Variants in ADGRV1 observed in about 807,000 individuals in gnomAD.
The protein encoded by ADGRV1 is adhesion G protein-coupled receptor V1, also known as G-protein coupled receptor 98.
In ADGRV1, 359 loss-of-function variants were observed where a neutral mutation model predicts 596.2. That is an observed-to-expected ratio of 0.60 (90% CI 0.55 to 0.66). ADGRV1 has a LOEUF of 0.66. Ranked by LOEUF, ADGRV1 falls within the 30% of genes least tolerant of loss-of-function variation. ADGRV1 has a pLI of 0.00. For synonymous variants in ADGRV1, 2,681 were observed against 2,679.2 expected, an observed-to-expected ratio of 1.00 and a Z score of -0.02; for missense variants, 7,274 against 7,575.6, an observed-to-expected ratio of 0.96 and a Z score of 1.48.
At chr5:90,825,757 G>C (rs1326940298) in intron 76 of ADGRV1, 1 of 152,170 alleles carries the variant, frequency 6.6e-6, no homozygotes. Flanking sequence ...TAAGGGGTAA[G>C]AAAATGTTGT....
At chr5:90,881,059 T>G (rs948657592) in intron 83 of ADGRV1, among the ~76,000 whole-genome samples, 1 of 152,188 alleles carries the variant, frequency 6.6e-6, no homozygotes, top group South Asian at 2.1e-4. Flanking sequence ...ACCTGGATAA[T>G]GTTTTGGAGT....
intron 82 of ADGRV1, among the ~76,000 whole-genome samples, chr5:90,860,710 T>C (rs560946117): frequency 8.8e-5 from 13 of 148,546 alleles, no homozygotes; most frequent in Admixed American, 7.3e-4. Flanking sequence ...TCTAATACAT[T>C]AGGTGGTATA....
At chr5:90,615,352 T>G (rs1043928943) in intron 2 of ADGRV1, among the ~76,000 whole-genome samples, 2 of 151,892 alleles carry the variant, frequency 1.3e-5, no homozygotes, top group Non-Finnish European at 2.9e-5. Context: ...TAAGGTGGTG[T>G]AGAGAAAACG....
At chr5:90,918,659 A>G (rs1773598980) in intron 83 of ADGRV1, among the ~76,000 whole-genome samples, 1 of 152,152 alleles carries the variant, frequency 6.6e-6, no homozygotes, top group Non-Finnish European at 1.5e-5. Flanking sequence ...CAGGGTTGTT[A>G]TGGAGATTAA....
chr5:90,788,980 T>C (rs1434714962), intron 68 of ADGRV1, among the ~76,000 whole-genome samples: 1 of 151,918 alleles, frequency 6.6e-6, no homozygotes, highest in East Asian at 1.9e-4. Context: ...CCAAAATCCA[T>C]GAAATAGGCT....
At chr5:90,789,976 A>G (rs1450036932) in intron 69 of ADGRV1, 125 bp downstream of exon 69, 5 of 559,428 alleles carry the variant, frequency 8.9e-6, no homozygotes, top group Non-Finnish European at 1.4e-5. Flanking sequence ...GTGAGTTTTC[A>G]GAGAAACAGA....
At chr5:91,143,713 C>T (rs1051077087) in intron 87 of ADGRV1, among the ~76,000 whole-genome samples, 1 of 152,118 alleles carries the variant, frequency 6.6e-6, no homozygotes, top group African/African-American at 2.4e-5. Context: ...ACAGCCTGGC[C>T]CCCAGGCTTC....
At chr5:91,101,889 A>G (rs924122008) in intron 86 of ADGRV1, among the ~76,000 whole-genome samples, 1 of 152,158 alleles carries the variant, frequency 6.6e-6, no homozygotes, top group Non-Finnish European at 1.5e-5. Context: ...ACTGCCTGCC[A>G]TTTTCTGGTG....
chr5:90,789,646 AT>A, intron 68 of ADGRV1, 55 bp from the exon 69 acceptor site: 1 of 1,088,654 alleles, frequency 9.2e-7, no homozygotes, highest in Non-Finnish European at 1.3e-6. Flanking sequence ...GTTGGATACT[AT>A]AATTTCATCC....
chr5:90,716,843 G>T (rs1750174596), intron 43 of ADGRV1, 114 bp downstream of exon 43: 8 of 727,820 alleles, frequency 1.1e-5, no homozygotes, highest in Non-Finnish European at 1.8e-5. Context: ...TCCAGCTTAG[G>T]TGTTAGACAA....
At chr5:91,065,476 G>A (rs1396993868) in intron 85 of ADGRV1, among the ~76,000 whole-genome samples, 1 of 152,188 alleles carries the variant, frequency 6.6e-6, no homozygotes, top group Non-Finnish European at 1.5e-5. Context: ...GGGTCAACTT[G>A]TTCTTTAAAA....
At chr5:91,131,034 G>C (rs1449600357) in intron 87 of ADGRV1, among the ~76,000 whole-genome samples, 1 of 152,228 alleles carries the variant, frequency 6.6e-6, no homozygotes, top group Non-Finnish European at 1.5e-5. Context: ...GGGAACCTGT[G>C]TTGATTCCAT....
intron 77 of ADGRV1, among the ~76,000 whole-genome samples, chr5:90,832,074 CT>C (rs1764574061): frequency 6.6e-6 from 1 of 152,084 alleles, no homozygotes; most frequent in Non-Finnish European, 1.5e-5. Flanking sequence ...ACTTTCTTTT[CT>C]TTTGGGTATA....
At chr5:90,689,312 C>A (rs934868575) in intron 29 of ADGRV1, among the ~76,000 whole-genome samples, 5 of 149,984 alleles carry the variant, frequency 3.3e-5, no homozygotes, top group African/African-American at 9.8e-5. Flanking sequence ...ACATGAAGCA[C>A]CCCTCCTTTC....
In ADGRV1 at chr5:90,791,036, C is replaced by G. The variant is rs201478715; in HGVS notation, c.14207C>G (p.Ser4736Cys). ...GAAGATTATGTGATCCAGCTTGTTT[C>G]TGTAGAGGGAGGAGCCGAACTGGAT... ...IEEDYVIQLV[S>C]VEGGAELDLE... Residue 4736 changes from serine (S) to cysteine (C), a missense_variant, in exon 70 of 90, where the codon TCT becomes TGT. Coordinates refer to ENST00000405460, the MANE Select transcript of ADGRV1 (RefSeq NM_032119.4). 4.3e-5 allele frequency: 69 copies of G among 1,613,866 alleles called. No individual in the cohort carries two copies. The African/African-American group carries it at 8.8e-4, about 21-fold the overall frequency.
At chr5:90,847,249 C>A (rs1765978581) in intron 78 of ADGRV1, among the ~76,000 whole-genome samples, 1 of 148,800 alleles carries the variant, frequency 6.7e-6, no homozygotes, top group African/African-American at 2.5e-5. Context: ...CTTAGCTAGA[C>A]ATAAAGATCT....
chr5:90,562,598 G>C (rs1754990420), intron 1 of ADGRV1, among the ~76,000 whole-genome samples: 2 of 152,256 alleles, frequency 1.3e-5, no homozygotes, highest in South Asian at 4.1e-4. Context: ...CCCTTTTCTG[G>C]TGCAGTCACG....
rs1554064823 is a variant in ADGRV1, at chr5:90,627,962, A to ACACACG, written c.1238+186_1238+187insCACACG. ...CACACACACACACACACACACACACAAGAATATGTCATTTTTTCTACCATG... is the reference window on the plus strand; with the variant it reads ...CACACACACACACACACACACACACACACACGAGAATATGTCATTTTTTCTACCATG... On this transcript the variant is annotated intron_variant, in intron 7 of 89. Transcript: ENST00000405460. 44 of 407,114 alleles carry ACACACG rather than the reference A, an allele frequency of 1.1e-4. No individual in the cohort carries two copies. The East Asian group carries it at 1.7e-3, about 15-fold the overall frequency. The allele number at this position is 407,114 out of a possible 1,614,324, so 25.2% of individuals were successfully genotyped here.
chr5:90,969,250 A>C (rs993017426), intron 84 of ADGRV1, among the ~76,000 whole-genome samples: 3 of 152,248 alleles, frequency 2.0e-5, no homozygotes, highest in Non-Finnish European at 4.4e-5. Context: ...GACAGAATGC[A>C]TACTCTGTAC....
Sources: gnomAD v4.1 joint callset for allele counts (sites outside exome capture counted in the v4.1 genomes callset) on GRCh38, gnomAD v4.1.1 for gene constraint, MANE v1.5 for transcripts, NCBI Gene and HGNC (gene_info 2026-07-23, HGNC 2026-07-21) for gene names.